The following RFX3 variants were observed in gnomAD, a reference collection of about 807,000 sequenced individuals.
RFX3 encodes the protein regulatory factor X3, also known as transcription factor RFX3.
Under a neutral mutation model 98.6 loss-of-function variants are expected in RFX3, and 14 were observed. That is an observed-to-expected ratio of 0.14 (90% CI 0.09 to 0.22). RFX3 has a LOEUF of 0.22. Among genes scored for constraint, RFX3 ranks in the 10% least tolerant of loss-of-function variants. The pLI, the probability that RFX3 is intolerant of heterozygous loss-of-function variation, is 1.00. For missense variants in RFX3, 639 were observed against 926.9 expected (o/e 0.69, Z 4.03); for synonymous variants, 383 against 328.4 (o/e 1.17, Z -1.80).
chr9:3,347,187 G>A (rs1042188419), intron 2 of RFX3, among the ~76,000 whole-genome samples: 2 of 152,132 alleles, frequency 1.3e-5, no homozygotes, highest in South Asian at 2.1e-4. Context: ...TGGGTGTGGC[G>A]GCATGCGCCT....
At chr9:3,310,147 A>C (rs1829794573) in intron 4 of RFX3, among the ~76,000 whole-genome samples, 1 of 152,190 alleles carries the variant, frequency 6.6e-6, no homozygotes, top group Non-Finnish European at 1.5e-5. Context: ...GGCAGTTGAT[A>C]ATGCCAAGAA....
At chr9:3,455,682 A>C (rs1847085127) in intron 1 of RFX3, among the ~76,000 whole-genome samples, 1 of 152,220 alleles carries the variant, frequency 6.6e-6, no homozygotes, top group African/African-American at 2.4e-5. Context: ...TAAGTATCTG[A>C]AAAGTTATTA....
At chr9:3,500,149 G>A (rs1815817656) in intron 1 of RFX3, among the ~76,000 whole-genome samples, 2 of 152,116 alleles carry the variant, frequency 1.3e-5, no homozygotes, top group Non-Finnish European at 2.9e-5. Context: ...CAACAATAAA[G>A]GAGAGCTGAA....
intron 1 of RFX3, among the ~76,000 whole-genome samples, chr9:3,424,417 A>C: frequency 1.7e-5 from 2 of 117,716 alleles, no homozygotes; most frequent in South Asian, 5.8e-4. Flanking sequence ...GCTGGAGTGC[A>C]GTGGCGCGAT....
At chr9:3,374,092 G>GCA (rs35924655) in intron 2 of RFX3, among the ~76,000 whole-genome samples, 22,910 of 147,832 alleles carry the variant, frequency 0.15, 2,537 homozygotes, top group African/African-American at 0.33. Context: ...ACACACGCGC[G>GCA]CACACACACA....
In RFX3 at chr9:3,228,901, T is replaced by C. The variant is rs906377287; in HGVS notation, c.1969-12A>G. 8.7e-6 allele frequency: 14 copies of C among 1,609,274 alleles called. No homozygotes were observed. Among genetic ancestry groups the C allele is most frequent in the Non-Finnish European group, 1.2e-5 (14 of 1,177,610 alleles). The stretch of plus-strand genomic sequence containing the variant: ...TTTAAATCACCAAACTGCAAAACAA[T>C]AGTCATTTGTGCAATAGTTAATATA... On this transcript the variant is annotated splice_polypyrimidine_tract_variant and intron_variant, in intron 15 of 16. Coordinates refer to ENST00000617270, the MANE Select transcript of RFX3 (RefSeq NM_001282116.2).
At chr9:3,239,271 CA>C (rs1563782616) in intron 15 of RFX3, among the ~76,000 whole-genome samples, 1 of 152,174 alleles carries the variant, frequency 6.6e-6, no homozygotes, top group African/African-American at 2.4e-5. Flanking sequence ...AACAACATTC[CA>C]TTTGGTAAAA....
chr9:3,317,170 G>C (rs1317120755), intron 4 of RFX3, among the ~76,000 whole-genome samples: 1 of 152,072 alleles, frequency 6.6e-6, no homozygotes, highest in African/African-American at 2.4e-5. Flanking sequence ...CCAAAACAGA[G>C]ATATAGACCA....
intron 5 of RFX3, among the ~76,000 whole-genome samples, chr9:3,296,194 T>C (rs1827963565): frequency 6.6e-6 from 1 of 151,892 alleles, no homozygotes; most frequent in Admixed American, 6.6e-5. Flanking sequence ...ATATAAAATA[T>C]TTTGAGTCCA....
chr9:3,255,971 CT>C (rs1188309644), intron 14 of RFX3, among the ~76,000 whole-genome samples: 20 of 148,596 alleles, frequency 1.3e-4, no homozygotes, highest in Admixed American at 4.0e-4. Flanking sequence ...TTATCTCTCT[CT>C]TTTTTTTTTT....
At chr9:3,344,977 TA>T (rs1563960725) in intron 3 of RFX3, 1 of 609,952 alleles carries the variant, frequency 1.6e-6, no homozygotes, top group Non-Finnish European at 3.0e-6. Flanking sequence ...TTACTGACTT[TA>T]TTATGTGCCA....
At chr9:3,488,692 ACT>A (rs1315727214) in intron 1 of RFX3, 2 of 679,708 alleles carry the variant, frequency 2.9e-6, no homozygotes, top group African/African-American at 3.9e-5. Flanking sequence ...ACACAAAACT[ACT>A]CAATTTCTCT....
chr9:3,355,163 TAAAA>T (rs1233572292), intron 2 of RFX3, among the ~76,000 whole-genome samples: 1 of 150,982 alleles, frequency 6.6e-6, no homozygotes, highest in East Asian at 1.9e-4. Flanking sequence ...ATAAAGGAAA[TAAAA>T]GAACAGATGG....
chr9:3,284,795 T>C (rs889382596), intron 7 of RFX3, among the ~76,000 whole-genome samples: 9 of 151,854 alleles, frequency 5.9e-5, no homozygotes, highest in African/African-American at 2.2e-4. Flanking sequence ...TTAGGTAAAA[T>C]GGCTTGAGAA....
intron 1 of RFX3, among the ~76,000 whole-genome samples, chr9:3,447,028 G>A (rs1230908297): frequency 6.6e-6 from 1 of 152,056 alleles, no homozygotes; most frequent in African/African-American, 2.4e-5. Context: ...TATTCGTTGA[G>A]GAAAATGCCT....
rs1338604285 is a variant in RFX3 at position 3,504,876 on chromosome 9, ATAT to A, written c.-9+20868_-9+20870del. On this transcript the variant is annotated intron_variant, in intron 1 of 16. Coordinates refer to ENST00000617270, the MANE Select transcript of RFX3 (RefSeq NM_001282116.2). ...ATATATGATATAATATATATTATAT[ATAT>A]TATATATAATATAACATATATTATA... Among the ~76,000 whole-genome samples, 88 of 69,580 alleles carry A rather than the reference ATAT, an allele frequency of 1.3e-3. 1 individual carries two copies. Among genetic ancestry groups the A allele is most frequent in the Middle Eastern group, 0.016 (1 of 62 alleles). 45.6% of individuals were successfully genotyped at this position (69,580 alleles called of 152,430 possible). A position where few individuals can be genotyped will look rare whatever the true frequency, so the allele number is the denominator to read the frequency against.
chr9:3,299,599 C>T (rs979081945), intron 5 of RFX3, among the ~76,000 whole-genome samples: 1 of 151,578 alleles, frequency 6.6e-6, no homozygotes, highest in African/African-American at 2.4e-5. Context: ...TGAAGTGTCT[C>T]TGGGAGTTGT....
intron 1 of RFX3, among the ~76,000 whole-genome samples, chr9:3,439,995 T>C (rs1354625438): frequency 2.0e-5 from 3 of 151,888 alleles, no homozygotes; most frequent in Admixed American, 6.6e-5. Flanking sequence ...ACTAAGAAAC[T>C]GAAAAAGAAA....
chr9:3,440,471 TA>T (rs1159681862), intron 1 of RFX3, among the ~76,000 whole-genome samples: 1 of 152,010 alleles, frequency 6.6e-6, no homozygotes, highest in Non-Finnish European at 1.5e-5. Flanking sequence ...AAGCTGCAAT[TA>T]AAAAAATAAA....
Sources: gnomAD v4.1 joint callset for allele counts (sites outside exome capture counted in the v4.1 genomes callset) on GRCh38, gnomAD v4.1.1 for gene constraint, MANE v1.5 for transcripts, NCBI Gene and HGNC (gene_info 2026-07-23, HGNC 2026-07-21) for gene names.